The following TASP1 variants were observed in gnomAD, a reference collection of about 807,000 sequenced individuals.
TASP1 encodes taspase 1.
A neutral mutation model predicts 56.6 loss-of-function variants in TASP1; 16 were observed. That is an observed-to-expected ratio of 0.28 (90% CI 0.19 to 0.43). TASP1 has a LOEUF of 0.43. TASP1 is among the 20% of genes least tolerant of loss of function. The probability of loss-of-function intolerance (pLI) is 1.00; values close to 1 mark genes in which losing one functional copy is unlikely to be tolerated. For missense variants in TASP1, 393 were observed against 511.6 expected (o/e 0.77, Z 2.24); for synonymous variants, 179 against 184.2 (o/e 0.97, Z 0.23).
At chr20:13,318,785 C>T in the TASP1 span, among the ~76,000 whole-genome samples, 1 of 152,140 alleles carries the variant, frequency 6.6e-6, no homozygotes, top group Non-Finnish European at 1.5e-5. Context: ...AAGAGGCTAC[C>T]TACACTATGA....
chr20:13,136,320 G>C, the TASP1 span, among the ~76,000 whole-genome samples: 1 of 152,126 alleles, frequency 6.6e-6, no homozygotes, highest in East Asian at 1.9e-4. Flanking sequence ...AATTTGGCCA[G>C]GTGTGGTGGC....
At chr20:13,621,667 T>A (rs1163263974) in intron 4 of TASP1, among the ~76,000 whole-genome samples, 1 of 152,198 alleles carries the variant, frequency 6.6e-6, no homozygotes, top group Non-Finnish European at 1.5e-5. Context: ...TGTATTTTTA[T>A]CATTTTTAAG....
Position 13,520,238 on chromosome 20 carries a change from C to T in TASP1, c.874+8195G>A, listed in dbSNP as rs574806593. ...ATTCAATGCCATCCCCATCAAGCTA[C>T]CAATGACTTTCTTCACAGAATTGGA... On this transcript the variant is annotated intron_variant, in intron 10 of 13. Transcript: ENST00000337743. Among the ~76,000 whole-genome samples the T allele has an allele frequency of 3.7e-4, 57 of 152,212 alleles. 1 individual carries two copies. In the South Asian group the frequency reaches 0.011, roughly 30 times the overall value.
the TASP1 span, among the ~76,000 whole-genome samples, chr20:13,224,768 T>C: frequency 1.3e-5 from 2 of 151,962 alleles, no homozygotes; most frequent in African/African-American, 2.4e-5. Flanking sequence ...GCAACAATAA[T>C]AGTTAAGATT....
At chr20:13,120,643 C>T in the TASP1 span, among the ~76,000 whole-genome samples, 2 of 152,088 alleles carry the variant, frequency 1.3e-5, no homozygotes, top group Non-Finnish European at 2.9e-5. Context: ...TATTAGCAAC[C>T]AGATGAGACA....
At chr20:13,393,202 C>T (rs1422020805) in intron 13 of TASP1, 4 of 712,476 alleles carry the variant, frequency 5.6e-6, no homozygotes, top group East Asian at 2.8e-5. Flanking sequence ...TTCATGACCA[C>T]AGTCCACGCT....
chr20:13,312,765 C>A, the TASP1 span, among the ~76,000 whole-genome samples: 1 of 152,196 alleles, frequency 6.6e-6, no homozygotes, highest in African/African-American at 2.4e-5. Flanking sequence ...ACTTAGTCAT[C>A]TTTACAATTT....
chr20:13,325,561 T>C, the TASP1 span, among the ~76,000 whole-genome samples: 1 of 152,244 alleles, frequency 6.6e-6, no homozygotes, highest in Non-Finnish European at 1.5e-5. Flanking sequence ...AGTTACCTAG[T>C]TGTCCCCAGA....
chr20:13,251,070 GT>G, the TASP1 span, among the ~76,000 whole-genome samples: 1 of 152,078 alleles, frequency 6.6e-6, no homozygotes, highest in African/African-American at 2.4e-5. Context: ...TACCTTAGCT[GT>G]TCTGCTCCTT....
At chr20:13,443,693 G>A (rs1052549016) in intron 11 of TASP1, among the ~76,000 whole-genome samples, 4 of 152,160 alleles carry the variant, frequency 2.6e-5, no homozygotes, top group Admixed American at 6.6e-5. Context: ...CTTTAAGGAC[G>A]AAAACACTGA....
chr20:13,106,523 C>A, the TASP1 span, among the ~76,000 whole-genome samples: 1 of 152,234 alleles, frequency 6.6e-6, no homozygotes, highest in East Asian at 1.9e-4. Context: ...GGAAAAAAAG[C>A]ATGGAGGAGA....
the TASP1 span, among the ~76,000 whole-genome samples, chr20:13,307,366 T>TAC: frequency 6.6e-6 from 1 of 152,156 alleles, no homozygotes; most frequent in Admixed American, 6.5e-5. Context: ...ACAAAGTGAA[T>TAC]ACACCCATGT....
the TASP1 span, chr20:13,164,657 C>A: frequency 1.2e-6 from 1 of 856,134 alleles, no homozygotes; most frequent in Non-Finnish European, 1.9e-6. Flanking sequence ...CAAACTAAGA[C>A]TGTGTGTCTT....
the TASP1 span, chr20:13,288,740 A>G: frequency 1.3e-6 from 2 of 1,517,434 alleles, no homozygotes; most frequent in South Asian, 2.4e-5. Context: ...TTAATTTATC[A>G]TTAAAAACTT....
the TASP1 span, among the ~76,000 whole-genome samples, chr20:13,169,997 T>C: frequency 6.6e-6 from 1 of 152,254 alleles, no homozygotes; most frequent in Non-Finnish European, 1.5e-5. Flanking sequence ...GTTAACCTTT[T>C]CTTTCCCTAT....
At chr20:13,619,826 C>CA (rs1215264216) in intron 4 of TASP1, among the ~76,000 whole-genome samples, 6 of 152,218 alleles carry the variant, frequency 3.9e-5, no homozygotes, top group Middle Eastern at 3.4e-3. Context: ...AAGATAATCT[C>CA]AAAAAAGCTA....
chr20:13,526,887 T>C (rs2045000967), intron 10 of TASP1, among the ~76,000 whole-genome samples: 1 of 152,054 alleles, frequency 6.6e-6, no homozygotes, highest in Admixed American at 6.6e-5. Context: ...GGATGAAGAA[T>C]GAAATGTTCT....
the TASP1 span, among the ~76,000 whole-genome samples, chr20:13,243,007 T>G: frequency 6.6e-6 from 1 of 152,224 alleles, no homozygotes; most frequent in African/African-American, 2.4e-5. Context: ...ACAATAAGGT[T>G]AAGTACCTTG....
chr20:13,124,509 AC>A, the TASP1 span, among the ~76,000 whole-genome samples: 1 of 152,184 alleles, frequency 6.6e-6, no homozygotes. Context: ...AAACAAAAAA[AC>A]AAAGGGAATA....
Sources: allele counts gnomAD v4.1 joint callset (sites outside exome capture counted in the v4.1 genomes callset), GRCh38; gene constraint gnomAD v4.1.1; transcripts MANE v1.5; gene names NCBI Gene and HGNC (gene_info 2026-07-23, HGNC 2026-07-21).